The following STPG2 variants were observed in gnomAD, a reference collection of about 807,000 sequenced individuals.
The protein encoded by STPG2 is sperm-tail PG-rich repeat-containing protein 2.
A neutral mutation model predicts 54.2 loss-of-function variants in STPG2; 56 were observed. That is an observed-to-expected ratio of 1.03 (90% CI 0.83 to 1.29). The LOEUF is 1.29. Ranked by LOEUF, STPG2 falls within the 50% of genes most tolerant of loss-of-function variation. The pLI is 0.00. For missense variants in STPG2, 596 were observed against 544.9 expected (o/e 1.09, Z -0.93); for synonymous variants, 200 against 181.8 (o/e 1.10, Z -0.81).
intron 7 of STPG2, among the ~76,000 whole-genome samples, chr4:97,953,751 C>T (rs1560607510): frequency 6.6e-6 from 1 of 152,260 alleles, no homozygotes; most frequent in Non-Finnish European, 1.5e-5. Context: ...GGCATTCTCT[C>T]TGCCTTTCAC....
At chr4:97,903,142 C>A (rs1435384959) in intron 8 of STPG2, among the ~76,000 whole-genome samples, 1 of 152,054 alleles carries the variant, frequency 6.6e-6, no homozygotes, top group African/African-American at 2.4e-5. Context: ...ACCTACCGCA[C>A]AGCATAGTGA....
chr4:98,085,222 T>G (rs1290165391), intron 5 of STPG2, among the ~76,000 whole-genome samples: 1 of 152,108 alleles, frequency 6.6e-6, no homozygotes, highest in Non-Finnish European at 1.5e-5. Context: ...ATTATTTTGG[T>G]ACCTTTGTCA....
chr4:97,627,633 G>C (rs1017255950), intron 10 of STPG2, among the ~76,000 whole-genome samples: 1 of 152,046 alleles, frequency 6.6e-6, no homozygotes, highest in African/African-American at 2.4e-5. Context: ...CCAAAAGTGG[G>C]TTTCCTTTCT....
chr4:97,703,134 C>T (rs991861461), intron 10 of STPG2, among the ~76,000 whole-genome samples: 19 of 152,008 alleles, frequency 1.2e-4, no homozygotes, highest in African/African-American at 2.9e-4. Context: ...TTGCTTCTCA[C>T]GAGCAGTGAA....
intron 4 of STPG2, among the ~76,000 whole-genome samples, chr4:97,516,206 C>A (rs1731071917): frequency 6.6e-6 from 1 of 152,062 alleles, no homozygotes; most frequent in Non-Finnish European, 1.5e-5. Flanking sequence ...AGTGAAAGAA[C>A]TATTTCTAGG....
chr4:97,913,643 AAC>A (rs1432972625), intron 8 of STPG2, among the ~76,000 whole-genome samples: 1 of 152,176 alleles, frequency 6.6e-6, no homozygotes, highest in East Asian at 1.9e-4. Flanking sequence ...TCAGTAGTGG[AAC>A]ACACACCTCC....
intron 10 of STPG2, among the ~76,000 whole-genome samples, chr4:97,616,460 A>G (rs1027686991): frequency 2.6e-5 from 4 of 152,106 alleles, no homozygotes; most frequent in Non-Finnish European, 4.4e-5. Flanking sequence ...GATTTTGAAA[A>G]ATAACATGAT....
At chr4:97,744,545 G>A (rs967841485) in intron 9 of STPG2, among the ~76,000 whole-genome samples, 1 of 150,740 alleles carries the variant, frequency 6.6e-6, no homozygotes, top group East Asian at 1.9e-4. Flanking sequence ...CTATATATTA[G>A]TCCCCCCATT....
chr4:97,585,942 T>A (rs916740996), intron 10 of STPG2, among the ~76,000 whole-genome samples: 3 of 151,732 alleles, frequency 2.0e-5, no homozygotes, highest in Non-Finnish European at 1.5e-5. Context: ...TAAGATATAA[T>A]TAAAAATCGC....
chr4:97,861,218 T>C (rs1729521565), intron 8 of STPG2, among the ~76,000 whole-genome samples: 1 of 151,880 alleles, frequency 6.6e-6, no homozygotes. Context: ...GACAAACAAA[T>C]GACAAATAGA....
intron 4 of STPG2, among the ~76,000 whole-genome samples, chr4:97,546,665 T>C (rs1731840386): frequency 6.6e-6 from 1 of 152,124 alleles, no homozygotes; most frequent in Non-Finnish European, 1.5e-5. Context: ...CCAATGTTGC[T>C]AAAAAACACT....
intron 8 of STPG2, among the ~76,000 whole-genome samples, chr4:97,866,625 CT>C (rs1379992068): frequency 1.3e-5 from 2 of 151,870 alleles, no homozygotes; most frequent in East Asian, 3.9e-4. Flanking sequence ...CTAATTATCC[CT>C]TTTTGGTATG....
intron 7 of STPG2, among the ~76,000 whole-genome samples, chr4:97,970,639 C>T (rs1293044013): frequency 6.6e-6 from 1 of 152,196 alleles, no homozygotes; most frequent in Non-Finnish European, 1.5e-5. Flanking sequence ...CCCTTCCTTA[C>T]ACCTTCTACA....
chr4:98,105,304 C>T (rs1364491161), intron 5 of STPG2, among the ~76,000 whole-genome samples: 2 of 152,100 alleles, frequency 1.3e-5, no homozygotes, highest in East Asian at 1.9e-4. Context: ...GTGTCAGAAG[C>T]GGGGTCCAAA....
chr4:97,872,631 T>C (rs1216334920), intron 8 of STPG2, among the ~76,000 whole-genome samples: 2 of 151,338 alleles, frequency 1.3e-5, no homozygotes, highest in Non-Finnish European at 3.0e-5. Flanking sequence ...TTTCAAAATA[T>C]GGAAAGATAT....
chr4:97,951,324 C>T (rs1426756909), intron 7 of STPG2, among the ~76,000 whole-genome samples: 2 of 152,160 alleles, frequency 1.3e-5, no homozygotes, highest in African/African-American at 4.8e-5. Context: ...TGGCTCTCTC[C>T]AGGCAGCAGG....
chr4:97,533,561 A>T (rs2148855022), intron 4 of STPG2, among the ~76,000 whole-genome samples: 1 of 151,876 alleles, frequency 6.6e-6, no homozygotes, highest in Non-Finnish European at 1.5e-5. Context: ...ATTCTCTCAT[A>T]CTCCTTTGCA....
chr4:97,495,734 C>G (rs1299143909), intron 4 of STPG2, among the ~76,000 whole-genome samples: 1 of 143,722 alleles, frequency 7.0e-6, no homozygotes, highest in Admixed American at 6.9e-5. Context: ...AAACACAGAA[C>G]TACAAAGTAA....
At chr4:97,678,711 G>C (rs1056188842) in intron 10 of STPG2, among the ~76,000 whole-genome samples, 1 of 151,286 alleles carries the variant, frequency 6.6e-6, no homozygotes, top group African/African-American at 2.4e-5. Flanking sequence ...TGCCATGCTG[G>C]TGTGCTGCAC....
Sources: allele counts gnomAD v4.1 joint callset (sites outside exome capture counted in the v4.1 genomes callset), GRCh38; gene constraint gnomAD v4.1.1; transcripts MANE v1.5; gene names NCBI Gene and HGNC (gene_info 2026-07-23, HGNC 2026-07-21).